Variants in CMTM8 observed in about 807,000 individuals in gnomAD.
The protein encoded by CMTM8 is CKLF-like MARVEL transmembrane domain-containing protein 8.
CMTM8 carries 12 observed loss-of-function variants against 18.6 expected under a neutral mutation model. The observed-to-expected ratio is 0.65, with a 90% CI of 0.41 to 1.05. The LOEUF (loss-of-function observed/expected upper bound fraction) is 1.05. Among genes scored for constraint, CMTM8 ranks in the 50% least tolerant of loss-of-function variants. The probability of loss-of-function intolerance (pLI) is 0.00; values close to 1 mark genes in which losing one functional copy is unlikely to be tolerated. For missense variants in CMTM8, 217 were observed against 227.2 expected (o/e 0.95, Z 0.29); for synonymous variants, 87 against 90.6 (o/e 0.96, Z 0.23).
At chr3:32,273,729 T>C (rs1195445307) in intron 1 of CMTM8, among the ~76,000 whole-genome samples, 2 of 152,134 alleles carry the variant, frequency 1.3e-5, no homozygotes, top group Non-Finnish European at 2.9e-5. Context: ...GGAGTTTCTT[T>C]TGGGGATGAT....
At chr3:32,243,530 CAA>C (rs376396855) in intron 1 of CMTM8, among the ~76,000 whole-genome samples, 11,426 of 104,278 alleles carry the variant, frequency 0.11, 604 homozygotes, top group South Asian at 0.24. Context: ...GACCCTGTCT[CAA>C]AAAAAAAAAA....
intron 1 of CMTM8, among the ~76,000 whole-genome samples, chr3:32,262,134 C>T (rs79429897): frequency 0.014 from 2,129 of 152,220 alleles, 50 homozygotes; most frequent in Middle Eastern, 0.054. Context: ...CCATTGTCCC[C>T]ATTGCGAGTC....
intron 1 of CMTM8, among the ~76,000 whole-genome samples, chr3:32,334,232 C>A (rs1284020999): frequency 6.6e-6 from 1 of 151,918 alleles, no homozygotes; most frequent in East Asian, 2.0e-4. Context: ...CCCGCCTCTG[C>A]CTCCCAAAGT....
chr3:32,264,767 C>G (rs1702310579), intron 1 of CMTM8, among the ~76,000 whole-genome samples: 1 of 151,756 alleles, frequency 6.6e-6, no homozygotes, highest in African/African-American at 2.4e-5. Context: ...ATCTACCAAG[C>G]AAATGGAAAG....
chr3:32,255,322 A>G (rs1702162867), intron 1 of CMTM8, among the ~76,000 whole-genome samples: 1 of 152,176 alleles, frequency 6.6e-6, no homozygotes, highest in South Asian at 2.1e-4. Context: ...GTAACCCTCC[A>G]TTTAACTTTT....
chr3:32,312,946 A>G (rs1695848830), intron 1 of CMTM8, among the ~76,000 whole-genome samples: 2 of 152,116 alleles, frequency 1.3e-5, no homozygotes, highest in African/African-American at 4.8e-5. Flanking sequence ...CTTATAATAA[A>G]AGATATTCCT....
chr3:32,270,039 G>A (rs1702412971), intron 1 of CMTM8, among the ~76,000 whole-genome samples: 4 of 151,092 alleles, frequency 2.6e-5, no homozygotes, highest in Admixed American at 2.6e-4. Flanking sequence ...CTCTCAAAGT[G>A]TTGGGATTAC....
chr3:32,348,053 G>T (rs1049717721), intron 1 of CMTM8, among the ~76,000 whole-genome samples: 2 of 152,016 alleles, frequency 1.3e-5, no homozygotes, highest in African/African-American at 4.8e-5. Context: ...TCCTTTTGGT[G>T]AGTCATGTCC....
chr3:32,310,462 T>A (rs1316766541), intron 1 of CMTM8, among the ~76,000 whole-genome samples: 1 of 152,190 alleles, frequency 6.6e-6, no homozygotes, highest in East Asian at 1.9e-4. Flanking sequence ...TCCTTGCCAA[T>A]GAGGGGTGCC....
In CMTM8 at chr3:32,258,308, G is replaced by A. The variant is rs549323339; in HGVS notation, c.147+19189G>A. Among the ~76,000 whole-genome samples the A allele has an allele frequency of 1.3e-4, 20 of 152,152 alleles. No individual in the cohort carries two copies. In the South Asian group the frequency reaches 2.7e-3, roughly 21 times the overall value. ...CTTTCTAGCTTTTCGGCACTACTAC[G>A]TATTTTTTTAATTTGGGAGTGGGAG... On this transcript the variant is annotated intron_variant, in intron 1 of 3. Coordinates refer to ENST00000307526, the MANE Select transcript of CMTM8 (RefSeq NM_178868.5).
intron 1 of CMTM8, among the ~76,000 whole-genome samples, chr3:32,243,673 T>C (rs1701975136): frequency 6.6e-6 from 1 of 152,168 alleles, no homozygotes; most frequent in Non-Finnish European, 1.5e-5. Context: ...AGGAAGGCAG[T>C]ACAGCTCACT....
intron 2 of CMTM8, among the ~76,000 whole-genome samples, chr3:32,360,926 G>C (rs1559389894): frequency 1.3e-5 from 2 of 152,214 alleles, no homozygotes; most frequent in Middle Eastern, 3.2e-3. Context: ...TTTAAAAATA[G>C]TTATAGATCC....
chr3:32,334,782 CT>C (rs1318307177), intron 1 of CMTM8, among the ~76,000 whole-genome samples: 3 of 152,288 alleles, frequency 2.0e-5, no homozygotes, highest in Non-Finnish European at 4.4e-5. Flanking sequence ...TTCACCTCCC[CT>C]CCCACAGTTA....
intron 1 of CMTM8, among the ~76,000 whole-genome samples, chr3:32,248,911 G>A (rs952893048): frequency 2.2e-4 from 33 of 151,098 alleles, no homozygotes; most frequent in African/African-American, 7.8e-4. Flanking sequence ...GCCTCTCACA[G>A]TACTGGATTA....
At chr3:32,270,872 TAAAAA>T (rs1702429983) in intron 1 of CMTM8, among the ~76,000 whole-genome samples, 1 of 151,944 alleles carries the variant, frequency 6.6e-6, no homozygotes, top group Admixed American at 6.6e-5. Flanking sequence ...AGTATAATAA[TAAAAA>T]AATAATAATA....
intron 1 of CMTM8, among the ~76,000 whole-genome samples, chr3:32,319,074 A>ATATATATATATATATATATATATTTATTT: frequency 3.2e-5 from 1 of 31,530 alleles, no homozygotes; most frequent in South Asian, 1.3e-3. Context: ...ATATATATAT[A>ATATATATATATATATATATATATTTATTT]TTTTTTTTTT....
At chr3:32,321,802 T>G (rs1421872565) in intron 1 of CMTM8, among the ~76,000 whole-genome samples, 2 of 152,166 alleles carry the variant, frequency 1.3e-5, no homozygotes, top group African/African-American at 2.4e-5. Context: ...TCTCACTATG[T>G]TGCCCAGGTT....
intron 1 of CMTM8, 63 bp from the exon 2 acceptor site, chr3:32,357,310 T>A: frequency 8.2e-7 from 1 of 1,219,588 alleles, no homozygotes; most frequent in Non-Finnish European, 1.2e-6. Context: ...TTGTCCCTCC[T>A]TCCTTCTTTT....
intron 1 of CMTM8, among the ~76,000 whole-genome samples, chr3:32,249,042 T>TG (rs1246860934): frequency 7.2e-6 from 1 of 139,138 alleles, no homozygotes; most frequent in African/African-American, 2.7e-5. Flanking sequence ...TTTTTTTTTT[T>TG]TTTTTTTTTT....
Sources: gnomAD v4.1 joint callset for allele counts (sites outside exome capture counted in the v4.1 genomes callset) on GRCh38, gnomAD v4.1.1 for gene constraint, MANE v1.5 for transcripts, NCBI Gene and HGNC (gene_info 2026-07-23, HGNC 2026-07-21) for gene names.